Variants in DLG1 observed in about 807,000 individuals in gnomAD.
DLG1 encodes the protein disks large homolog 1.
A neutral mutation model predicts 123.4 loss-of-function variants in DLG1; 42 were observed. The ratio of observed to expected loss-of-function variants is 0.34; its 90% CI spans 0.27 to 0.44. DLG1 has a LOEUF of 0.44. DLG1 is among the 20% of genes least tolerant of loss of function. The pLI is 1.00. For missense variants in DLG1, 942 were observed against 1,082.6 expected (o/e 0.87, Z 1.82); for synonymous variants, 317 against 356.2 (o/e 0.89, Z 1.24).
At chr3:197,050,382 C>CA (rs1256955089) in intron 24 of DLG1, among the ~76,000 whole-genome samples, 20 of 150,566 alleles carry the variant, frequency 1.3e-4, no homozygotes, top group South Asian at 4.2e-4. Flanking sequence ...AAAACAACAA[C>CA]AAAAAAAACC....
rs1012635867 is a variant in DLG1, at chr3:197,128,848, G to GT, written c.1165+1678dup. Among the ~76,000 whole-genome samples, 43 of 149,676 alleles carry GT rather than the reference G, an allele frequency of 2.9e-4. 1 individual carries two copies. Among genetic ancestry groups the GT allele is most frequent in the South Asian group, 1.1e-3 (5 of 4,736 alleles). ...ATTTTGAAAGGAGTGTTTTTTTTTTGTTTTTTTCTGAGCAGCAGGTCTCAA... is the reference window on the plus strand; with the variant it reads ...ATTTTGAAAGGAGTGTTTTTTTTTTGTTTTTTTTCTGAGCAGCAGGTCTCAA... On this transcript the variant is annotated intron_variant, in intron 11 of 24. Coordinates refer to ENST00000667157, the MANE Select transcript of DLG1 (RefSeq NM_001366207.1).
intron 22 of DLG1, among the ~76,000 whole-genome samples, chr3:197,060,280 T>C (rs749575951): frequency 2.2e-4 from 34 of 152,208 alleles, no homozygotes; most frequent in Middle Eastern, 3.4e-3. Flanking sequence ...TGGTGAAAAA[T>C]AGAGCTCCCC....
At chr3:197,193,815 G>A (rs1024240245) in intron 5 of DLG1, among the ~76,000 whole-genome samples, 1 of 151,626 alleles carries the variant, frequency 6.6e-6, no homozygotes, top group Non-Finnish European at 1.5e-5. Context: ...TAAAGATGAT[G>A]TTAATGCTCT....
intron 4 of DLG1, among the ~76,000 whole-genome samples, chr3:197,227,441 C>G (rs141050856): frequency 1.1e-4 from 16 of 151,982 alleles, no homozygotes; most frequent in African/African-American, 3.9e-4. Context: ...CGCCACTGCA[C>G]TCCAGCCTGG....
chr3:197,191,959 T>C (rs1282515960), intron 5 of DLG1, among the ~76,000 whole-genome samples: 1 of 152,098 alleles, frequency 6.6e-6, no homozygotes, highest in East Asian at 1.9e-4. Context: ...GAGGATTACT[T>C]GAGGCCAGGA....
chr3:197,113,359 A>T (rs1026112958), intron 13 of DLG1, among the ~76,000 whole-genome samples: 5 of 152,218 alleles, frequency 3.3e-5, no homozygotes, highest in Non-Finnish European at 7.4e-5. Flanking sequence ...AGAAGAGGGC[A>T]TTTAAATCTC....
intron 5 of DLG1, among the ~76,000 whole-genome samples, chr3:197,185,119 G>C (rs960450571): frequency 6.6e-6 from 1 of 152,114 alleles, no homozygotes. Context: ...GAACAAAAAC[G>C]CTACTTGATA....
At chr3:197,058,443 T>C (rs1733404797) in intron 23 of DLG1, among the ~76,000 whole-genome samples, 1 of 152,258 alleles carries the variant, frequency 6.6e-6, no homozygotes, top group Non-Finnish European at 1.5e-5. Flanking sequence ...TTCACTACTA[T>C]TTAGTTCAAA....
At chr3:197,293,603 A>G (rs1237683343) in intron 3 of DLG1, among the ~76,000 whole-genome samples, 3 of 141,868 alleles carry the variant, frequency 2.1e-5, no homozygotes, top group Admixed American at 7.2e-5. Context: ...TATCAACTAC[A>G]GGGGGGGACA....
intron 3 of DLG1, among the ~76,000 whole-genome samples, chr3:197,285,641 G>A (rs1189527395): frequency 6.6e-6 from 1 of 152,190 alleles, no homozygotes; most frequent in African/African-American, 2.4e-5. Context: ...GATGGCAAGT[G>A]AGCATATATC....
intron 12 of DLG1, among the ~76,000 whole-genome samples, chr3:197,118,669 C>T (rs565388353): frequency 2.0e-4 from 31 of 151,988 alleles, no homozygotes; most frequent in Non-Finnish European, 2.8e-4. Flanking sequence ...TGTCTTATTA[C>T]TATATTGAAT....
At chr3:197,184,613 C>T (rs1460153885) in intron 5 of DLG1, among the ~76,000 whole-genome samples, 1 of 152,144 alleles carries the variant, frequency 6.6e-6, no homozygotes, top group African/African-American at 2.4e-5. Flanking sequence ...ATTACTAAAA[C>T]AAGTATTTTG....
At chr3:197,202,341 A>G (rs1726216907) in intron 4 of DLG1, among the ~76,000 whole-genome samples, 1 of 152,178 alleles carries the variant, frequency 6.6e-6, no homozygotes, top group South Asian at 2.1e-4. Context: ...ACAAGAAACG[A>G]CGCTCATTTT....
At chr3:197,052,480 TAAAC>T (rs899798879) in intron 23 of DLG1, among the ~76,000 whole-genome samples, 3 of 151,812 alleles carry the variant, frequency 2.0e-5, no homozygotes, top group Non-Finnish European at 2.9e-5. Flanking sequence ...AATAAATAAA[TAAAC>T]AAAAATAAAA....
intron 5 of DLG1, among the ~76,000 whole-genome samples, chr3:197,185,119 G>A (rs960450571): frequency 3.3e-5 from 5 of 152,114 alleles, no homozygotes; most frequent in Admixed American, 3.3e-4. Context: ...GAACAAAAAC[G>A]CTACTTGATA....
At chr3:197,184,058 G>A (rs1714265239) in intron 5 of DLG1, 4 of 1,263,748 alleles carry the variant, frequency 3.2e-6, no homozygotes, top group Admixed American at 3.9e-5. Context: ...GACGACATAA[G>A]GTGGATTTCT....
At chr3:197,063,183 T>C (rs1027082524) in intron 22 of DLG1, among the ~76,000 whole-genome samples, 1 of 130,822 alleles carries the variant, frequency 7.6e-6, no homozygotes, top group Admixed American at 8.0e-5. Flanking sequence ...ACCCTAAAAC[T>C]TAAAGTATAA....
At chr3:197,104,834 A>G in intron 14 of DLG1, 69 bp downstream of exon 14, 2 of 1,086,076 alleles carry the variant, frequency 1.8e-6, no homozygotes, top group Non-Finnish European at 2.8e-6. Context: ...AAACATTATT[A>G]AATATTAAAG....
intron 5 of DLG1, among the ~76,000 whole-genome samples, chr3:197,163,524 ATTTTT>A (rs59011566): frequency 7.1e-6 from 1 of 140,444 alleles, no homozygotes; most frequent in African/African-American, 2.6e-5. Context: ...AATGGGTATG[ATTTTT>A]TTTTTTTTTT....
Sources: allele counts gnomAD v4.1 joint callset (sites outside exome capture counted in the v4.1 genomes callset), GRCh38; gene constraint gnomAD v4.1.1; transcripts MANE v1.5; gene names NCBI Gene and HGNC (gene_info 2026-07-23, HGNC 2026-07-21).